The following RIDA variants were observed in gnomAD, a reference collection of about 807,000 sequenced individuals.
RIDA encodes the protein 2-iminobutanoate/2-iminopropanoate deaminase.
In RIDA, 17 loss-of-function variants were observed where a neutral mutation model predicts 17.8. That is an observed-to-expected ratio of 0.96 (90% CI 0.65 to 1.43). The LOEUF is 1.43. Among genes scored for constraint, RIDA ranks in the 40% most tolerant of loss-of-function variants. The pLI is 0.00. For synonymous variants in RIDA, 48 were observed against 55.7 expected (o/e 0.86, Z 0.62); for missense variants, 158 against 161.7 (o/e 0.98, Z 0.12).
chr8:98,109,919 C>A (rs1815700669), intron 1 of RIDA, among the ~76,000 whole-genome samples: 2 of 152,020 alleles, frequency 1.3e-5, no homozygotes, highest in South Asian at 2.1e-4. Flanking sequence ...TCAGCAATTT[C>A]TTTCCTAGGC....
intron 5 of RIDA, 126 bp from the exon 6 acceptor site, chr8:98,103,030 AAGG>A (rs1330156680): frequency 1.3e-5 from 8 of 636,558 alleles, no homozygotes; most frequent in Non-Finnish European, 2.2e-5. Flanking sequence ...CAAGGAAGGA[AAGG>A]AGAAGGAAAT....
chr8:98,107,635 T>C (rs79812869), intron 2 of RIDA, among the ~76,000 whole-genome samples: 1 of 152,336 alleles, frequency 6.6e-6, no homozygotes, highest in Admixed American at 6.5e-5. Context: ...TCTTGCTCTG[T>C]GTCCCAGGCA....
intron 2 of RIDA, among the ~76,000 whole-genome samples, chr8:98,107,608 T>A (rs1159137309): frequency 2.6e-5 from 4 of 152,270 alleles, no homozygotes; most frequent in African/African-American, 7.2e-5. Flanking sequence ...TATTTTATTT[T>A]ATTTTTTGAG....
At chr8:98,112,061 A>T (rs993654493) in intron 1 of RIDA, among the ~76,000 whole-genome samples, 6 of 152,142 alleles carry the variant, frequency 3.9e-5, no homozygotes, top group Admixed American at 1.3e-4. Flanking sequence ...TATCATGAAG[A>T]TCTTTCCATA....
chr8:98,107,524 G>GAAACA (rs1009926516), intron 2 of RIDA, among the ~76,000 whole-genome samples: 1 of 152,118 alleles, frequency 6.6e-6, no homozygotes, highest in Non-Finnish European at 1.5e-5. Flanking sequence ...GCTGTCTCAA[G>GAAACA]AAACAAAACA....
chr8:98,110,456 T>C (rs541687936), intron 1 of RIDA, among the ~76,000 whole-genome samples: 63 of 152,226 alleles, frequency 4.1e-4, no homozygotes, highest in African/African-American at 1.1e-3. Context: ...GATGGGGTTT[T>C]GCCATGTTGG....
chr8:98,115,095 T>C (rs866195591), intron 1 of RIDA, among the ~76,000 whole-genome samples: 1 of 152,126 alleles, frequency 6.6e-6, no homozygotes, highest in East Asian at 1.9e-4. Flanking sequence ...CTTAGAACAG[T>C]GCCTGGTGCT....
chr8:98,103,311 G>A (rs1245952172), intron 5 of RIDA, among the ~76,000 whole-genome samples: 1 of 152,142 alleles, frequency 6.6e-6, no homozygotes, highest in African/African-American at 2.4e-5. Flanking sequence ...ATCATTCCAA[G>A]TAACAACTAA....
At chr8:98,110,612 C>CA (rs1398805841) in intron 1 of RIDA, among the ~76,000 whole-genome samples, 6 of 151,926 alleles carry the variant, frequency 3.9e-5, no homozygotes, top group Non-Finnish European at 8.8e-5. Context: ...AGCTGTAAAG[C>CA]AAAAAAATGC....
chr8:98,103,873 T>C (rs1212078229), intron 5 of RIDA, among the ~76,000 whole-genome samples: 1 of 151,922 alleles, frequency 6.6e-6, no homozygotes, highest in Non-Finnish European at 1.5e-5. Flanking sequence ...CTTCTGACCT[T>C]GTGATCCGCC....
chr8:98,114,080 G>C (rs762188990), intron 1 of RIDA, among the ~76,000 whole-genome samples: 12 of 152,196 alleles, frequency 7.9e-5, no homozygotes, highest in Non-Finnish European at 1.6e-4. Flanking sequence ...TGTAGCCCCA[G>C]CTACTTGGGA....
intron 1 of RIDA, among the ~76,000 whole-genome samples, chr8:98,110,123 G>A (rs1815703199): frequency 6.6e-6 from 1 of 152,292 alleles, no homozygotes; most frequent in South Asian, 2.1e-4. Context: ...ATTAATTGTT[G>A]TCTAGGGCCA....
intron 2 of RIDA, 109 bp downstream of exon 2, chr8:98,108,537 C>T (rs1815666075): frequency 1.1e-5 from 8 of 726,488 alleles, no homozygotes; most frequent in East Asian, 5.1e-5. Flanking sequence ...GTTTAAAAAA[C>T]ATTTATCTGT....
chr8:98,117,108 C>T lies in RIDA; in HGVS notation c.-12G>A, dbSNP rs1815853403. 2 of 1,613,778 alleles carry T rather than the reference C, an allele frequency of 1.2e-6. No individual in the cohort carries two copies. The highest frequency in any genetic ancestry group is 1.3e-5 in the African/African-American group (1 of 74,950). On this transcript the variant is annotated 5_prime_UTR_variant, in exon 1 of 6. Coordinates refer to ENST00000254878, the MANE Select transcript of RIDA (RefSeq NM_005836.3). Reference sequence around the variant, plus strand: ...ATCAAGGACGACATGGCTAAGCCTTCCCTCTTGCAGCCCCTTCAGGAGAAG... The same window carrying T: ...ATCAAGGACGACATGGCTAAGCCTTTCCTCTTGCAGCCCCTTCAGGAGAAG...
chr8:98,111,168 C>A (rs1227198152), intron 1 of RIDA, among the ~76,000 whole-genome samples: 1 of 151,776 alleles, frequency 6.6e-6, no homozygotes, highest in Non-Finnish European at 1.5e-5. Context: ...GATAAAATCA[C>A]AGGAAAAAGA....
intron 1 of RIDA, among the ~76,000 whole-genome samples, chr8:98,114,205 C>G (rs1402912910): frequency 6.6e-6 from 1 of 152,170 alleles, no homozygotes; most frequent in East Asian, 1.9e-4. Flanking sequence ...CACATACAAA[C>G]ACACAACCAC....
At chr8:98,114,648 G>GTT (rs1020172809) in intron 1 of RIDA, among the ~76,000 whole-genome samples, 1 of 151,834 alleles carries the variant, frequency 6.6e-6, no homozygotes, top group African/African-American at 2.4e-5. Flanking sequence ...TCTAATTTTT[G>GTT]TTGGTCACTT....
rs148176727 is a variant in RIDA, at chr8:98,105,055, A to G, written c.296-511T>C. On this transcript the variant is annotated intron_variant, in intron 4 of 5. Coordinates refer to ENST00000254878, the MANE Select transcript of RIDA (RefSeq NM_005836.3). ...AGAGGCTCACTATCAGATTTGTTTG[A>G]TAAAATATTTTGCCATATGATTCCT... Among the ~76,000 whole-genome samples, 585 of 147,400 alleles carry G rather than the reference A, an allele frequency of 4.0e-3. 3 individuals carry two copies. Among genetic ancestry groups the G allele is most frequent in the African/African-American group, 0.014 (561 of 40,262 alleles).
In RIDA at chr8:98,104,601, A is replaced by G. The variant is rs1254688045; in HGVS notation, c.296-57T>C. The G allele has an allele frequency of 7.9e-6, 8 of 1,011,554 alleles. No individual in the cohort carries two copies. The East Asian group carries it at 1.9e-4, about 24-fold the overall frequency. The allele number at this position is 1,011,554 out of a possible 1,614,324, so 62.7% of individuals were successfully genotyped here. On this transcript the variant is annotated intron_variant, in intron 4 of 5. Transcript: ENST00000254878. The stretch of plus-strand genomic sequence containing the variant: ...GAGAAGAGTTGAAAAAATAAAGATC[A>G]AGTGAAAATTTTTATTTTAGTTTTC...
Sources: allele counts gnomAD v4.1 joint callset (sites outside exome capture counted in the v4.1 genomes callset), GRCh38; gene constraint gnomAD v4.1.1; transcripts MANE v1.5; gene names NCBI Gene and HGNC (gene_info 2026-07-23, HGNC 2026-07-21).